Variants in SLC15A2 observed in about 807,000 individuals in gnomAD.
SLC15A2 encodes the protein kidney H(+)/peptide cotransporter.
A neutral mutation model predicts 95.5 loss-of-function variants in SLC15A2; 77 were observed. That is an observed-to-expected ratio of 0.81 (90% CI 0.67 to 0.97). The LOEUF is 0.97. Ranked by LOEUF, SLC15A2 falls within the 50% of genes least tolerant of loss-of-function variation. The probability of loss-of-function intolerance (pLI) is 0.00; values close to 1 mark genes in which losing one functional copy is unlikely to be tolerated. For missense variants in SLC15A2, 893 were observed against 874.4 expected, an observed-to-expected ratio of 1.02 and a Z score of -0.27; for synonymous variants, 306 against 306.9, an observed-to-expected ratio of 1.00 and a Z score of 0.03.
intron 3 of SLC15A2, 91 bp from the exon 4 acceptor site, chr3:121,911,482 TC>T: frequency 1.3e-6 from 1 of 799,158 alleles, no homozygotes. Flanking sequence ...CCTCCATTTA[TC>T]CCCACACTGA....
rs147109034 is a variant in SLC15A2, at chr3:121,909,542, C to T, written c.336-2032C>T. On this transcript the variant is annotated intron_variant, in intron 3 of 21. Transcript: ENST00000489711. ...TCAGGTCTCTTGACTTCTTGCTCCTCCTATTAGTTTCCTGCCATTAGTTTC... is the reference window on the plus strand; with the variant it reads ...TCAGGTCTCTTGACTTCTTGCTCCTTCTATTAGTTTCCTGCCATTAGTTTC... Among the ~76,000 whole-genome samples, 31 of 152,296 alleles carry T rather than the reference C, an allele frequency of 2.0e-4. No homozygotes were observed. The East Asian group carries it at 5.8e-3, about 28-fold the overall frequency.
Position 121,922,908 on chromosome 3 carries a change from CT to C in SLC15A2, c.867+48del, listed in dbSNP as rs374099172. The C allele has an allele frequency of 1.7e-5, 27 of 1,569,304 alleles. 2 individuals carry two copies. Among genetic ancestry groups the C allele is most frequent in the African/African-American group, 1.4e-4 (10 of 74,048 alleles). On this transcript the variant is annotated intron_variant, in intron 9 of 21. Coordinates refer to ENST00000489711, the MANE Select transcript of SLC15A2 (RefSeq NM_021082.4). The stretch of plus-strand genomic sequence containing the variant: ...ATCTTATGGCTTGATAGAGTCTTTC[CT>C]AATGTTCAAAATGATTCTATCCTAC...
chr3:121,925,003 G>T lies in SLC15A2; in HGVS notation c.1094G>T (p.Arg365Leu). The change falls in exon 13 of 22, where the codon CGT (arginine) becomes CTT (leucine). Residue 365 changes from arginine to leucine, a missense_variant. Transcript: ENST00000489711. ...CCGTTGTTTGACTTTGTCATTTATC[G>T]TCTGGTCTCCAAGTGTGGAATTAAC... ...FIPLFDFVIY[R>L]LVSKCGINFS... 2 of 1,613,170 alleles carry T rather than the reference G, an allele frequency of 1.2e-6. No individual in the cohort carries two copies. Among genetic ancestry groups the T allele is most frequent in the African/African-American group, 1.3e-5 (1 of 74,974 alleles).
rs1400209176 is a variant in SLC15A2, at chr3:121,941,034, C to T, written c.*27C>T. ...GACTCCCTAGATTCTGTCCTGACCC[C>T]AATTCCTGGCCCTGTCTTGAAGCAT... On this transcript the variant is annotated 3_prime_UTR_variant, in exon 22 of 22. Coordinates refer to ENST00000489711, the MANE Select transcript of SLC15A2 (RefSeq NM_021082.4). 11 of 1,596,426 alleles carry T rather than the reference C, an allele frequency of 6.9e-6. No homozygotes were observed. The highest frequency in any genetic ancestry group is 9.4e-6 in the Non-Finnish European group (11 of 1,172,480).
At chr3:121,895,987 C>G (rs1709407040) in intron 1 of SLC15A2, among the ~76,000 whole-genome samples, 1 of 152,156 alleles carries the variant, frequency 6.6e-6, no homozygotes. Flanking sequence ...CAAGAGTCCC[C>G]ATAGTGGGGC....
intron 3 of SLC15A2, among the ~76,000 whole-genome samples, chr3:121,909,756 A>G (rs963010033): frequency 6.6e-6 from 1 of 152,162 alleles, no homozygotes; most frequent in Admixed American, 6.5e-5. Flanking sequence ...GCAGCCCAGG[A>G]CAGCTTTGAA....
chr3:121,904,497 T>C (rs921363974), intron 3 of SLC15A2, among the ~76,000 whole-genome samples: 1 of 152,210 alleles, frequency 6.6e-6, no homozygotes, highest in Non-Finnish European at 1.5e-5. Context: ...TTGTCATAGA[T>C]AGCTCTTATT....
At chr3:121,931,561 G>A in intron 18 of SLC15A2, 78 bp from the exon 19 acceptor site, 1 of 841,570 alleles carries the variant, frequency 1.2e-6, no homozygotes, top group Admixed American at 1.9e-5. Context: ...GTAGAGAGAT[G>A]AGATCACTTT....
At chr3:121,904,502 C>G (rs955380358) in intron 3 of SLC15A2, among the ~76,000 whole-genome samples, 1 of 152,120 alleles carries the variant, frequency 6.6e-6, no homozygotes, top group African/African-American at 2.4e-5. Context: ...ATAGATAGCT[C>G]TTATTATTTT....
At chr3:121,923,636 G>A (rs913691227) in intron 11 of SLC15A2, among the ~76,000 whole-genome samples, 17 of 152,278 alleles carry the variant, frequency 1.1e-4, no homozygotes, top group African/African-American at 4.1e-4. Flanking sequence ...CTTCAACAAG[G>A]ATCACAGCAG....
intron 3 of SLC15A2, among the ~76,000 whole-genome samples, chr3:121,910,188 C>T (rs1576674962): frequency 7.8e-6 from 1 of 128,070 alleles, no homozygotes; most frequent in East Asian, 2.6e-4. Flanking sequence ...GATTAGTCAC[C>T]TAACTTTTTT....
chr3:121,929,218 C>A (rs1710182255), intron 16 of SLC15A2, 72 bp downstream of exon 16: 1 of 1,600,264 alleles, frequency 6.2e-7, no homozygotes, highest in Non-Finnish European at 8.5e-7. Context: ...AACATCTTAC[C>A]AAGGATCTGC....
At chr3:121,932,174 G>T (rs1453880359) in intron 19 of SLC15A2, among the ~76,000 whole-genome samples, 1 of 152,162 alleles carries the variant, frequency 6.6e-6, no homozygotes, top group African/African-American at 2.4e-5. Flanking sequence ...AAAGTGTTGA[G>T]ATTACAAGCG....
intron 16 of SLC15A2, 70 bp from the exon 17 acceptor site, chr3:121,929,232 A>C: frequency 6.2e-7 from 1 of 1,604,014 alleles, no homozygotes; most frequent in South Asian, 1.1e-5. Flanking sequence ...GATCTGCCTG[A>C]TGATCAAATT....
chr3:121,936,442 G>C (rs1441466800), intron 19 of SLC15A2, among the ~76,000 whole-genome samples: 8 of 152,034 alleles, frequency 5.3e-5, no homozygotes, highest in South Asian at 2.1e-4. Context: ...TATGACTCTG[G>C]GTGCTCCTGT....
chr3:121,898,527 A>G (rs1709463984), intron 3 of SLC15A2, among the ~76,000 whole-genome samples: 1 of 152,198 alleles, frequency 6.6e-6, no homozygotes, highest in Non-Finnish European at 1.5e-5. Flanking sequence ...TGTCATCCAT[A>G]GATTTGTCTA....
intron 3 of SLC15A2, 53 bp downstream of exon 3, chr3:121,897,582 G>C: frequency 6.3e-7 from 1 of 1,593,622 alleles, no homozygotes; most frequent in Non-Finnish European, 8.6e-7. Flanking sequence ...TGTGCAGAAG[G>C]CTATCACTTC....
chr3:121,905,620 C>T (rs1250590773), intron 3 of SLC15A2, among the ~76,000 whole-genome samples: 1 of 152,182 alleles, frequency 6.6e-6, no homozygotes, highest in Non-Finnish European at 1.5e-5. Context: ...AGTAGTCATT[C>T]AGGAGCAGGT....
At chr3:121,896,522 C>T in intron 2 of SLC15A2, 29 bp downstream of exon 2, 1 of 1,529,536 alleles carries the variant, frequency 6.5e-7, no homozygotes, top group Non-Finnish European at 9.1e-7. Context: ...GTCCTACCTA[C>T]TCTCCTCCAC....
Sources: gnomAD v4.1 joint callset for allele counts (sites outside exome capture counted in the v4.1 genomes callset) on GRCh38, gnomAD v4.1.1 for gene constraint, MANE v1.5 for transcripts, NCBI Gene and HGNC (gene_info 2026-07-23, HGNC 2026-07-21) for gene names.